GRK4: variants seen among roughly 807,000 people sequenced by gnomAD.
The protein encoded by GRK4 is G protein-coupled receptor kinase 2-like.
A neutral mutation model predicts 77.9 loss-of-function variants in GRK4; 73 were observed. The ratio of observed to expected loss-of-function variants is 0.94; its 90% CI spans 0.78 to 1.14. The LOEUF is 1.14. GRK4 is among the 50% of genes most tolerant of loss of function. GRK4 has a pLI of 0.00. For synonymous variants in GRK4, 257 were observed against 254.4 expected, an observed-to-expected ratio of 1.01 and a Z score of -0.10; for missense variants, 729 against 700.2, an observed-to-expected ratio of 1.04 and a Z score of -0.46.
chr4:2,966,668 A>G (rs1717804947), intron 1 of GRK4: 1 of 152,222 alleles, frequency 6.6e-6, no homozygotes, highest in Admixed American at 6.5e-5. Flanking sequence ...ACTTTAAAGT[A>G]TCTCCCAGGA....
chr4:3,019,608 CG>C, intron 8 of GRK4, 32 bp from the exon 9 acceptor site: 2 of 1,534,430 alleles, frequency 1.3e-6, no homozygotes, highest in Non-Finnish European at 1.8e-6. Flanking sequence ...AGAGCAAGTT[CG>C]TGTTCTGTTT....
intron 1 of GRK4, among the ~76,000 whole-genome samples, chr4:2,977,047 G>A (rs1476043000): frequency 1.3e-5 from 2 of 152,198 alleles, no homozygotes; most frequent in Non-Finnish European, 2.9e-5. Context: ...GCACAGAGCT[G>A]AGTTTTTATC....
At chr4:2,984,435 A>C in intron 1 of GRK4, 78 bp from the exon 2 acceptor site, 3 of 750,524 alleles carry the variant, frequency 4.0e-6, no homozygotes, top group Non-Finnish European at 7.1e-6. Flanking sequence ...AAATGTTAAG[A>C]TATATTGGTG....
At chr4:3,035,608 G>A in intron 13 of GRK4, 85 bp downstream of exon 13, 1 of 1,439,576 alleles carries the variant, frequency 6.9e-7, no homozygotes, top group Non-Finnish European at 9.4e-7. Flanking sequence ...CAAAAATAGA[G>A]ATGGGGGGTC....
chr4:3,034,848 C>T (rs187166135), intron 12 of GRK4, among the ~76,000 whole-genome samples: 39 of 152,218 alleles, frequency 2.6e-4, no homozygotes, highest in Non-Finnish European at 3.8e-4. Context: ...ACATAGCCGA[C>T]CCCTTATTTA....
chr4:3,017,170 A>T (rs1734794539), intron 8 of GRK4, among the ~76,000 whole-genome samples: 1 of 152,218 alleles, frequency 6.6e-6, no homozygotes, highest in Non-Finnish European at 1.5e-5. Context: ...TGAGAATAAA[A>T]TTAGACTCAG....
At chr4:3,011,133 T>G (rs998971149) in intron 7 of GRK4, among the ~76,000 whole-genome samples, 1 of 152,212 alleles carries the variant, frequency 6.6e-6, no homozygotes, top group Non-Finnish European at 1.5e-5. Flanking sequence ...ATGTAATGAC[T>G]CAGATTTTGT....
intron 9 of GRK4, among the ~76,000 whole-genome samples, chr4:3,021,124 G>A (rs1159035726): frequency 1.3e-5 from 2 of 152,120 alleles, no homozygotes; most frequent in East Asian, 3.9e-4. Flanking sequence ...CCTTTGTGAT[G>A]CAGCTCCCCA....
At chr4:3,037,583 CCGTGTGTG>C in intron 14 of GRK4, 72 bp downstream of exon 14, 4 of 1,347,588 alleles carry the variant, frequency 3.0e-6, no homozygotes, top group Non-Finnish European at 4.0e-6. Context: ...GTGTGTGTGT[CCGTGTGTG>C]TGTGTGTGTC....
At chr4:3,035,242 C>G (rs1740275914) in intron 12 of GRK4, 144 bp from the exon 13 acceptor site, 1 of 845,396 alleles carries the variant, frequency 1.2e-6, no homozygotes, top group East Asian at 2.5e-5. Flanking sequence ...GAGACTCCAT[C>G]TCAAAAAAAG....
chr4:3,004,207 G>A lies in GRK4; in HGVS notation c.340-24G>A. ...AAGTTATGAAATCACTAATGGTTATGTATTTGGTTTGTACTGTATTAAGTT... is the reference window on the plus strand; with the variant it reads ...AAGTTATGAAATCACTAATGGTTATATATTTGGTTTGTACTGTATTAAGTT... On this transcript the variant is annotated intron_variant, in intron 4 of 15. Coordinates refer to ENST00000398052, the MANE Select transcript of GRK4 (RefSeq NM_182982.3). The A allele has an allele frequency of 6.2e-6, 9 of 1,445,920 alleles. No homozygotes were observed. The South Asian group carries it at 8.0e-5, about 13-fold the overall frequency. 89.6% of individuals were successfully genotyped at this position (1,445,920 alleles called of 1,614,324 possible).
intron 3 of GRK4, among the ~76,000 whole-genome samples, chr4:2,989,764 GT>G (rs1339522487): frequency 6.6e-6 from 1 of 152,218 alleles, no homozygotes; most frequent in Admixed American, 6.5e-5. Context: ...GCTCAAGAAA[GT>G]TTCCAACATT....
Position 2,963,722 on chromosome 4 carries a change from C to T in GRK4, c.-349C>T. On this transcript the variant is annotated 5_prime_UTR_variant, in exon 1 of 16. Transcript: ENST00000398052. ...GCCACGGCATTGACTCGGGGCTGCC[C>T]GGGGGCAGGGCACTGAGGAGGGAGT... 2.4e-6 allele frequency: 1 copy of T among 408,718 alleles called. No individual in the cohort carries two copies. The highest frequency in any genetic ancestry group is 4.4e-6 in the Non-Finnish European group (1 of 229,642). The allele number at this position is 408,718 out of a possible 1,614,324, so 25.3% of individuals were successfully genotyped here.
intron 1 of GRK4, 81 bp downstream of exon 1, chr4:2,964,203 C>G (rs951815529): frequency 5.8e-5 from 70 of 1,205,452 alleles, no homozygotes; most frequent in Non-Finnish European, 8.2e-5. Flanking sequence ...TGAAGGAACC[C>G]GACATCCCCG....
At chr4:2,965,316 A>G (rs749388341) in intron 1 of GRK4, 4 of 702,996 alleles carry the variant, frequency 5.7e-6, no homozygotes, top group South Asian at 3.0e-5. Context: ...CCTCTGTGCA[A>G]TCCTCTGTCT....
In GRK4 at chr4:3,027,916, C is replaced by T. The variant is rs1307447596; in HGVS notation, c.975C>T (p.His325=). The T allele has an allele frequency of 6.2e-7, 1 of 1,613,884 alleles. No individual in the cohort carries two copies. The highest frequency in any genetic ancestry group is 2.2e-5 in the East Asian group (1 of 44,882). Residue 325 remains histidine, a synonymous_variant, in exon 11 of 16, where the codon CAC becomes CAT. Coordinates refer to ENST00000398052, the MANE Select transcript of GRK4 (RefSeq NM_182982.3). ...PENILLDDRG[H]IRISDLGLAT... Reference sequence around the variant, plus strand: ...ATAACATATTTGAACACACAGGACACATCCGGATTTCAGACCTCGGTTTGG... The same window carrying T: ...ATAACATATTTGAACACACAGGACATATCCGGATTTCAGACCTCGGTTTGG...
At chr4:2,998,426 A>G (rs1229086027) in intron 4 of GRK4, among the ~76,000 whole-genome samples, 1 of 152,194 alleles carries the variant, frequency 6.6e-6, no homozygotes, top group African/African-American at 2.4e-5. Context: ...CAAATGACAT[A>G]ATCTTGGATA....
chr4:3,031,319 G>C (rs1739102801), intron 12 of GRK4, among the ~76,000 whole-genome samples: 1 of 152,188 alleles, frequency 6.6e-6, no homozygotes, highest in Non-Finnish European at 1.5e-5. Context: ...GCAAAGGTGG[G>C]AGGCAGGTGT....
At chr4:3,033,517 A>C (rs1329982017) in intron 12 of GRK4, among the ~76,000 whole-genome samples, 1 of 152,210 alleles carries the variant, frequency 6.6e-6, no homozygotes, top group African/African-American at 2.4e-5. Flanking sequence ...GGGGCTGTGG[A>C]GTCCCTGAGA....
Sources: allele counts gnomAD v4.1 joint callset (sites outside exome capture counted in the v4.1 genomes callset), GRCh38; gene constraint gnomAD v4.1.1; transcripts MANE v1.5; gene names NCBI Gene and HGNC (gene_info 2026-07-23, HGNC 2026-07-21).